FOXP2: variants seen among roughly 807,000 people sequenced by gnomAD.
The protein encoded by FOXP2 is forkhead box P2.
Under a neutral mutation model 115.8 loss-of-function variants are expected in FOXP2, and 12 were observed. That is an observed-to-expected ratio of 0.10 (90% CI 0.07 to 0.17). The LOEUF (loss-of-function observed/expected upper bound fraction) is 0.17, where lower values mean the gene tolerates loss of function less well. FOXP2 is among the 10% of genes least tolerant of loss of function. FOXP2 has a pLI of 1.00. For missense variants in FOXP2, 629 were observed against 843.5 expected (o/e 0.75, Z 3.15); for synonymous variants, 328 against 297.7 (o/e 1.10, Z -1.05).
intron 2 of FOXP2, among the ~76,000 whole-genome samples, chr7:114,430,882 T>C (rs530118814): frequency 6.6e-6 from 1 of 152,076 alleles, no homozygotes; most frequent in East Asian, 1.9e-4. Context: ...ACATAAGATA[T>C]TTACTTCAAT....
At chr7:114,389,341 A>G (rs1184055578) in intron 2 of FOXP2, among the ~76,000 whole-genome samples, 9 of 152,214 alleles carry the variant, frequency 5.9e-5, no homozygotes, top group African/African-American at 1.9e-4. Context: ...ACAAGATTCT[A>G]GGTGAGGATT....
chr7:114,171,843 A>G (rs953219344), intron 1 of FOXP2, among the ~76,000 whole-genome samples: 1 of 152,232 alleles, frequency 6.6e-6, no homozygotes, highest in Non-Finnish European at 1.5e-5. Context: ...AAAAACATTC[A>G]TAGTTCATGA....
At chr7:114,492,326 C>A (rs1462014915) in intron 2 of FOXP2, among the ~76,000 whole-genome samples, 1 of 151,894 alleles carries the variant, frequency 6.6e-6, no homozygotes, top group African/African-American at 2.4e-5. Context: ...GTCTCGCTAG[C>A]GGTCTATCAA....
At chr7:114,654,896 C>T (rs1376586876) in intron 10 of FOXP2, among the ~76,000 whole-genome samples, 1 of 152,028 alleles carries the variant, frequency 6.6e-6, no homozygotes, top group African/African-American at 2.4e-5. Context: ...ACTATATTGT[C>T]TAATTTTCTC....
At chr7:114,535,646 AAG>A (rs1799352199) in intron 3 of FOXP2, among the ~76,000 whole-genome samples, 2 of 151,624 alleles carry the variant, frequency 1.3e-5, no homozygotes, top group South Asian at 4.1e-4. Flanking sequence ...TAGTTTGTAT[AAG>A]AGAGAATTAT....
rs776565646 is a variant in FOXP2, at chr7:114,629,860, TGCAGCAGCA to T, written c.459_467del (p.Gln189_Gln191del). 3.7e-6 allele frequency: 6 copies of T among 1,602,362 alleles called. No homozygotes were observed. The highest frequency in any genetic ancestry group is 1.4e-5 in the African/African-American group (1 of 70,242). On this transcript the variant is annotated inframe_deletion, in exon 5 of 17. Transcript: ENST00000350908. ...CAAGAGCAGTTACATCTTCAGCTTT[TGCAGCAGCA>T]GCAGCAACAGCAGCAGCAGCAACAA... is the stretch of plus-strand genomic sequence containing the variant.
At chr7:114,140,106 G>A (rs1792163381) in intron 1 of FOXP2, among the ~76,000 whole-genome samples, 1 of 151,854 alleles carries the variant, frequency 6.6e-6, no homozygotes, top group Non-Finnish European at 1.5e-5. Context: ...AAGTGCGACT[G>A]TGTTTCAAAA....
chr7:114,662,514 C>T lies in FOXP2; in HGVS notation c.1769+328C>T, dbSNP rs60234044. Among the ~76,000 whole-genome samples the T allele has an allele frequency of 0.33, 50,413 of 151,850 alleles. 9,842 individuals are homozygous for T. Among genetic ancestry groups the T allele is most frequent in the Non-Finnish European group, 0.45 (30,720 of 67,898 alleles). ...TGTTTTTATACAATACAGTAGCTTC[C>T]AGTAGAAGCTAAAAGGCTTTTTAAA... On this transcript the variant is annotated intron_variant, in intron 14 of 16. Coordinates refer to ENST00000350908, the MANE Select transcript of FOXP2 (RefSeq NM_014491.4).
At chr7:114,497,124 AT>A (rs1273430587) in intron 2 of FOXP2, among the ~76,000 whole-genome samples, 1 of 152,218 alleles carries the variant, frequency 6.6e-6, no homozygotes, top group Non-Finnish European at 1.5e-5. Context: ...GTACAAAATA[AT>A]TATGTATTGA....
At chr7:114,319,230 A>G (rs1042696756) in intron 2 of FOXP2, among the ~76,000 whole-genome samples, 4 of 152,144 alleles carry the variant, frequency 2.6e-5, no homozygotes, top group Admixed American at 2.6e-4. Context: ...TCTTACCTGG[A>G]CTCATGTGCT....
intron 2 of FOXP2, among the ~76,000 whole-genome samples, chr7:114,376,848 T>C (rs1792150242): frequency 6.6e-6 from 1 of 152,174 alleles, no homozygotes; most frequent in Non-Finnish European, 1.5e-5. Flanking sequence ...GGATAGATTG[T>C]GAGAAAGGAG....
chr7:114,628,074 A>G (rs1233666716), intron 3 of FOXP2, among the ~76,000 whole-genome samples: 2 of 152,224 alleles, frequency 1.3e-5, no homozygotes, highest in Non-Finnish European at 2.9e-5. Flanking sequence ...AAGTAAGTAT[A>G]CTGTATACAT....
chr7:114,539,611 G>C (rs780105592), intron 3 of FOXP2, among the ~76,000 whole-genome samples: 2 of 151,958 alleles, frequency 1.3e-5, no homozygotes, highest in African/African-American at 4.8e-5. Flanking sequence ...ACTATGTCTT[G>C]TGTGGCTCTT....
chr7:114,538,596 C>T (rs1019508690), intron 3 of FOXP2, among the ~76,000 whole-genome samples: 13 of 151,492 alleles, frequency 8.6e-5, no homozygotes, highest in African/African-American at 3.1e-4. Context: ...GACTCTGCCA[C>T]AAATAGTTAT....
intron 13 of FOXP2, among the ~76,000 whole-genome samples, chr7:114,660,669 G>A (rs1806812333): frequency 1.3e-5 from 2 of 152,152 alleles, no homozygotes; most frequent in South Asian, 4.1e-4. Context: ...CAGTTACTTG[G>A]TATATATTTT....
chr7:114,259,638 G>A (rs1330175959), intron 1 of FOXP2, among the ~76,000 whole-genome samples: 2 of 152,134 alleles, frequency 1.3e-5, no homozygotes, highest in Non-Finnish European at 2.9e-5. Context: ...GAGAGGATTG[G>A]ATGGGAACAT....
chr7:114,411,684 TCTG>T (rs2129198793), upstream of FOXP2, among the ~76,000 whole-genome samples: 1 of 152,268 alleles, frequency 6.6e-6, no homozygotes, highest in Non-Finnish European at 1.5e-5. Context: ...GTTAGTTTGT[TCTG>T]CTGCTTTCAA....
At chr7:114,523,794 G>T (rs1039646750) in intron 2 of FOXP2, among the ~76,000 whole-genome samples, 2 of 152,060 alleles carry the variant, frequency 1.3e-5, no homozygotes, top group Non-Finnish European at 2.9e-5. Context: ...TCACAGAAAC[G>T]CAGCCTAAGC....
At chr7:114,438,635 T>C (rs959007894) in intron 2 of FOXP2, among the ~76,000 whole-genome samples, 15 of 152,118 alleles carry the variant, frequency 9.9e-5, no homozygotes, top group African/African-American at 3.6e-4. Context: ...ATTTTTCCCA[T>C]TCATAATTTA....
Sources: gnomAD v4.1 joint callset for allele counts (sites outside exome capture counted in the v4.1 genomes callset) on GRCh38, gnomAD v4.1.1 for gene constraint, MANE v1.5 for transcripts, NCBI Gene and HGNC (gene_info 2026-07-23, HGNC 2026-07-21) for gene names.